Variants in LRCH3 observed in about 807,000 individuals in gnomAD.
The protein encoded by LRCH3 is DISP complex protein LRCH3.
Under a neutral mutation model 104.5 loss-of-function variants are expected in LRCH3, and 68 were observed. That is an observed-to-expected ratio of 0.65 (90% CI 0.54 to 0.80). The LOEUF (loss-of-function observed/expected upper bound fraction) is 0.80, where lower values mean the gene tolerates loss of function less well. LRCH3 is among the 30% of genes least tolerant of loss of function. The pLI is 0.00. For missense variants in LRCH3, 951 were observed against 953.9 expected, an observed-to-expected ratio of 1.00 and a Z score of 0.04; for synonymous variants, 344 against 361.3, an observed-to-expected ratio of 0.95 and a Z score of 0.54.
chr3:197,805,057 G>A (rs1732320312), intron 1 of LRCH3, among the ~76,000 whole-genome samples: 2 of 152,140 alleles, frequency 1.3e-5, no homozygotes, highest in South Asian at 2.1e-4. Flanking sequence ...ACCACACCTG[G>A]CTAATTTTGT....
Position 197,835,540 on chromosome 3 carries a change from T to A in LRCH3, c.1103-134T>A, listed in dbSNP as rs553713365. 7.4e-5 allele frequency: 97 copies of A among 1,307,402 alleles called. No homozygotes were observed. In the African/African-American group the frequency reaches 1.3e-3, roughly 18 times the overall value. The allele number at this position is 1,307,402 out of a possible 1,614,324, so 81.0% of individuals were successfully genotyped here. A position where few individuals can be genotyped will look rare whatever the true frequency, so the allele number is the denominator to read the frequency against. ...AAAAGACTTAAGTAATTTAAAGTTT[T>A]TATCATCCCTCCCACTTTCAAAATA... On this transcript the variant is annotated intron_variant, in intron 8 of 20. Coordinates refer to ENST00000425562, the MANE Select transcript of LRCH3 (RefSeq NM_001365715.1).
At chr3:197,816,963 A>T (rs1185782691) in intron 2 of LRCH3, among the ~76,000 whole-genome samples, 11 of 152,156 alleles carry the variant, frequency 7.2e-5, no homozygotes, top group Non-Finnish European at 1.6e-4. Context: ...CAGTTTACAG[A>T]TGAGAAATCT....
intron 14 of LRCH3, among the ~76,000 whole-genome samples, chr3:197,858,189 A>G (rs544849088): frequency 2.0e-5 from 3 of 152,342 alleles, no homozygotes; most frequent in African/African-American, 7.2e-5. Context: ...TCAAAATTCT[A>G]TGTAATACTT....
At chr3:197,830,416 A>C (rs1186837274) in intron 6 of LRCH3, among the ~76,000 whole-genome samples, 2 of 152,206 alleles carry the variant, frequency 1.3e-5, no homozygotes, top group African/African-American at 4.8e-5. Context: ...GTTTCAGTCA[A>C]AGTGAAGTAA....
At chr3:197,796,448 A>G (rs1333272507) in intron 1 of LRCH3, among the ~76,000 whole-genome samples, 1 of 152,254 alleles carries the variant, frequency 6.6e-6, no homozygotes, top group South Asian at 2.1e-4. Context: ...CACTGAGATC[A>G]TACTGGACAA....
At chr3:197,829,942 A>G (rs760892690) in intron 6 of LRCH3, among the ~76,000 whole-genome samples, 3 of 152,200 alleles carry the variant, frequency 2.0e-5, no homozygotes, top group Non-Finnish European at 4.4e-5. Flanking sequence ...ATTTACCAGC[A>G]TCCTTGGTGT....
intron 19 of LRCH3, 32 bp from the exon 20 acceptor site, chr3:197,875,666 T>C (rs1482352519): frequency 6.7e-7 from 1 of 1,503,266 alleles, no homozygotes; most frequent in South Asian, 1.2e-5. Flanking sequence ...ACAAAACTTC[T>C]CTAGTAACAC....
At position 197,847,409 on chromosome 3, in the gene LRCH3, GGTTCCA is replaced by G. The variant is rs1156795285; in HGVS notation, c.1331_1336del (p.Val444_Pro445del). 5 of 1,591,180 alleles carry G rather than the reference GGTTCCA, an allele frequency of 3.1e-6. No homozygotes were observed. On this transcript the variant is annotated inframe_deletion and splice_region_variant, in exon 11 of 21. Transcript: ENST00000425562. The stretch of plus-strand genomic sequence containing the variant: ...CTTTCTTTTTTCTTTTTTGGGTCAG[GGTTCCA>G]GCTGAGCCATCTTCCCTCCTGTCAC...
intron 8 of LRCH3, among the ~76,000 whole-genome samples, chr3:197,834,361 T>C (rs1475494089): frequency 6.6e-6 from 1 of 152,190 alleles, no homozygotes. Flanking sequence ...TCCCTTCCCA[T>C]CCATAAACTA....
At chr3:197,870,376 T>C in intron 18 of LRCH3, 98 bp downstream of exon 18, 1 of 1,213,006 alleles carries the variant, frequency 8.2e-7, no homozygotes, top group Non-Finnish European at 1.1e-6. Context: ...TTTTATTTAT[T>C]TTTTTTTTAG....
At chr3:197,872,575 G>A (rs930247089) in intron 19 of LRCH3, among the ~76,000 whole-genome samples, 2 of 152,118 alleles carry the variant, frequency 1.3e-5, no homozygotes, top group African/African-American at 4.8e-5. Context: ...AAGGAAAAGA[G>A]ACTGGGTGCA....
At chr3:197,808,378 T>C (rs1156809448) in intron 1 of LRCH3, among the ~76,000 whole-genome samples, 1 of 152,212 alleles carries the variant, frequency 6.6e-6, no homozygotes, top group Non-Finnish European at 1.5e-5. Flanking sequence ...GGTATTTTAT[T>C]GTGGCAGCTC....
intron 20 of LRCH3, chr3:197,882,734 A>ATGCACACATTAAGG: frequency 2.0e-6 from 2 of 985,442 alleles, no homozygotes; most frequent in South Asian, 9.4e-5. Context: ...CAAATTAACG[A>ATGCACACATTAAGG]TGCACACATT....
intron 19 of LRCH3, among the ~76,000 whole-genome samples, chr3:197,874,926 CT>C (rs57326379): frequency 1.7e-3 from 239 of 144,442 alleles, no homozygotes; most frequent in Middle Eastern, 3.5e-3. Flanking sequence ...TGCAACAGTT[CT>C]TTTTTTTTTT....
At chr3:197,802,014 C>A (rs916233852) in intron 1 of LRCH3, among the ~76,000 whole-genome samples, 1 of 152,180 alleles carries the variant, frequency 6.6e-6, no homozygotes, top group African/African-American at 2.4e-5. Flanking sequence ...TGTATTCTTA[C>A]AACATGGCCC....
chr3:197,839,982 AAAAATAC>A (rs1273839170), intron 10 of LRCH3, among the ~76,000 whole-genome samples: 2 of 152,026 alleles, frequency 1.3e-5, no homozygotes, highest in Non-Finnish European at 2.9e-5. Flanking sequence ...AAAAAAAAAA[AAAAATAC>A]AAAATACAAA....
intron 13 of LRCH3, 98 bp downstream of exon 13, chr3:197,852,718 T>G (rs1381186051): frequency 7.9e-7 from 1 of 1,260,042 alleles, no homozygotes; most frequent in African/African-American, 1.5e-5. Flanking sequence ...GCTCGGAATA[T>G]TGCCATTTTT....
chr3:197,850,986 A>G, intron 12 of LRCH3: 4 of 778,092 alleles, frequency 5.1e-6, no homozygotes, highest in Non-Finnish European at 9.6e-6. Flanking sequence ...TGCTTAGGGA[A>G]AGAGCCCATT....
Position 197,847,929 on chromosome 3 carries a change from C to T in LRCH3, c.1438C>T (p.Arg480Trp), listed in dbSNP as rs774437154. Residue 480 changes from arginine (R) to tryptophan (W), a missense_variant, in exon 12 of 21, where the codon CGG becomes TGG. By Grantham distance (101) the Arg-to-Trp change is moderately radical. Coordinates refer to ENST00000425562, the MANE Select transcript of LRCH3 (RefSeq NM_001365715.1). ...AAGGGAGCAGTTAGTAGAGCGCACT[C>T]GGAGAGAGGCTCAGCTTGCTGCCCT... ...QRREQLVERT[R>W]REAQLAALQY... 7 of 1,613,894 alleles carry T rather than the reference C, an allele frequency of 4.3e-6. No homozygotes were observed. Among genetic ancestry groups the T allele is most frequent in the Non-Finnish European group, 5.9e-6 (7 of 1,179,960 alleles).
Sources: gnomAD v4.1 joint callset for allele counts (sites outside exome capture counted in the v4.1 genomes callset) on GRCh38, gnomAD v4.1.1 for gene constraint, MANE v1.5 for transcripts, NCBI Gene and HGNC (gene_info 2026-07-23, HGNC 2026-07-21) for gene names.